ZNF138: variants seen among roughly 807,000 people sequenced by gnomAD.
The protein encoded by ZNF138 is zinc finger protein 138 (clone pHZ-32).
ZNF138 carries 33 observed loss-of-function variants against 33.0 expected under a neutral mutation model. The observed-to-expected ratio is 1.00, with a 90% CI of 0.76 to 1.34. The LOEUF is 1.34. Ranked by LOEUF, ZNF138 falls within the 40% of genes most tolerant of loss-of-function variation. The pLI, the probability that ZNF138 is intolerant of heterozygous loss-of-function variation, is 0.00. For synonymous variants in ZNF138, 139 were observed against 120.4 expected (o/e 1.15, Z -1.01); for missense variants, 360 against 370.8 (o/e 0.97, Z 0.24).
chr7:64,813,243 C>A lies in ZNF138; in HGVS notation c.4-1675C>A, dbSNP rs114581381. Among the ~76,000 whole-genome samples, 1,289 of 152,130 alleles carry A rather than the reference C, an allele frequency of 8.5e-3. 22 individuals carry two copies. The highest frequency in any genetic ancestry group is 0.028 in the African/African-American group (1,173 of 41,480). ...GTAATCTTGAAGTTTCATCTGTGTT[C>A]TCCATTGGTTCTATGCAGAACAGGA... On this transcript the variant is annotated intron_variant, in intron 1 of 3. Transcript: ENST00000307355.
At chr7:64,827,195 G>C (rs1200026273) in intron 3 of ZNF138, among the ~76,000 whole-genome samples, 1 of 151,128 alleles carries the variant, frequency 6.6e-6, no homozygotes, top group African/African-American at 2.4e-5. Context: ...GACTGCCTTG[G>C]CCTCCTAAAG....
At chr7:64,800,545 A>G (rs747418951) in intron 1 of ZNF138, among the ~76,000 whole-genome samples, 5 of 152,206 alleles carry the variant, frequency 3.3e-5, no homozygotes, top group Non-Finnish European at 7.3e-5. Flanking sequence ...CTACTTGATC[A>G]TAACTGATTA....
chr7:64,797,726 G>A (rs1028446576), intron 1 of ZNF138, among the ~76,000 whole-genome samples: 1 of 152,066 alleles, frequency 6.6e-6, no homozygotes, highest in African/African-American at 2.4e-5. Flanking sequence ...TTGTTTTGAG[G>A]CAGTTTCTAG....
chr7:64,811,295 CAT>C (rs1226260154), intron 1 of ZNF138, among the ~76,000 whole-genome samples: 2 of 152,168 alleles, frequency 1.3e-5, no homozygotes, highest in Non-Finnish European at 2.9e-5. Context: ...CCCTTCAGCA[CAT>C]AGTACCTGCT....
intron 1 of ZNF138, among the ~76,000 whole-genome samples, chr7:64,812,370 G>A (rs904560345): frequency 2.0e-5 from 3 of 152,056 alleles, no homozygotes; most frequent in African/African-American, 7.2e-5. Flanking sequence ...ATGTTGGCCA[G>A]GATGGTCTTG....
chr7:64,814,699 G>C (rs921996161), intron 1 of ZNF138, among the ~76,000 whole-genome samples: 9 of 152,010 alleles, frequency 5.9e-5, no homozygotes, highest in Non-Finnish European at 1.0e-4. Context: ...GGAGGCAGAG[G>C]TTGCAGTGAG....
chr7:64,847,851 C>T, the ZNF138 span, among the ~76,000 whole-genome samples: 1 of 151,998 alleles, frequency 6.6e-6, no homozygotes, highest in African/African-American at 2.4e-5. Context: ...CATTTACTTT[C>T]AATGTTAGTA....
chr7:64,813,993 T>G lies in ZNF138; in HGVS notation c.4-925T>G, dbSNP rs1239689236. ...TCACATTTAATCTGGCAGCTGCCTT[T>G]CTATCTTAGGTTTCCTTTGCATATA... On this transcript the variant is annotated intron_variant, in intron 1 of 3. Transcript: ENST00000307355. The G allele has an allele frequency of 3.6e-6, 4 of 1,120,036 alleles. No individual in the cohort carries two copies. The African/African-American group carries it at 6.9e-5, about 19-fold the overall frequency. The allele number at this position is 1,120,036 out of a possible 1,614,324, so 69.4% of individuals were successfully genotyped here. A position where few individuals can be genotyped will look rare whatever the true frequency, so the allele number is the denominator to read the frequency against.
At chr7:64,806,885 C>T (rs1216248271) in intron 1 of ZNF138, among the ~76,000 whole-genome samples, 1 of 152,180 alleles carries the variant, frequency 6.6e-6, no homozygotes, top group African/African-American at 2.4e-5. Flanking sequence ...AAAATCTGGC[C>T]ATAAACTGGC....
intron 3 of ZNF138, chr7:64,830,955 T>A (rs4483043): frequency 0.99 from 1,542,864 of 1,551,456 alleles, 767,466 homozygotes; most frequent in East Asian, 1. Context: ...GCATTTACCT[T>A]TGATCTCAGT....
chr7:64,800,171 G>T (rs1247078303), intron 1 of ZNF138, among the ~76,000 whole-genome samples: 1 of 152,096 alleles, frequency 6.6e-6, no homozygotes, highest in Admixed American at 6.5e-5. Context: ...CTCTTCTATT[G>T]AATACCTTTT....
chr7:64,814,961 A>G lies in ZNF138; in HGVS notation c.47A>G (p.Glu16Gly), dbSNP rs780405323. The change falls in exon 2 of 4, where the codon GAG becomes GGG. Residue 16 changes from glutamate to glycine, a missense_variant. Glu to Gly is a moderately conservative substitution (Grantham distance 98). Coordinates refer to ENST00000307355, the MANE Select transcript of ZNF138 (RefSeq NM_001271639.2). ...FMDVAIEFSLEEWQCLDTAQR... is the reference protein window; with the variant it reads ...FMDVAIEFSLGEWQCLDTAQR... ...GATGTGGCCATAGAGTTCTCTTTGG[A>G]GGAGTGGCAGTGCCTGGACACTGCA... The G allele has an allele frequency of 5.6e-6, 9 of 1,613,298 alleles. No homozygotes were observed. The highest frequency in any genetic ancestry group is 6.8e-6 in the Non-Finnish European group (8 of 1,179,608).
At chr7:64,806,720 G>A (rs1374782787) in intron 1 of ZNF138, among the ~76,000 whole-genome samples, 3 of 152,192 alleles carry the variant, frequency 2.0e-5, no homozygotes, top group African/African-American at 7.2e-5. Context: ...ATTTCTACAA[G>A]TAGCTAAAAA....
At chr7:64,800,740 A>G (rs1787073942) in intron 1 of ZNF138, among the ~76,000 whole-genome samples, 1 of 152,136 alleles carries the variant, frequency 6.6e-6, no homozygotes. Flanking sequence ...TTTTTGGAAT[A>G]GTTTTAGAAA....
At chr7:64,816,239 AAT>A (rs1788623557) in intron 3 of ZNF138, among the ~76,000 whole-genome samples, 1 of 152,126 alleles carries the variant, frequency 6.6e-6, no homozygotes, top group Non-Finnish European at 1.5e-5. Flanking sequence ...CTGTGACAAA[AAT>A]GTCACTGGAA....
chr7:64,828,586 G>T (rs190381075), intron 3 of ZNF138, among the ~76,000 whole-genome samples: 1 of 152,058 alleles, frequency 6.6e-6, no homozygotes, highest in East Asian at 1.9e-4. Flanking sequence ...TTACCTATTG[G>T]CTTTCACTAA....
chr7:64,814,020 C>T, intron 1 of ZNF138: 1 of 1,182,478 alleles, frequency 8.5e-7, no homozygotes, highest in Non-Finnish European at 1.1e-6. Context: ...TTGCATATAT[C>T]TGTCTTTGGA....
At chr7:64,851,717 TAAAG>T in the ZNF138 span, among the ~76,000 whole-genome samples, 1 of 151,556 alleles carries the variant, frequency 6.6e-6, no homozygotes, top group Non-Finnish European at 1.5e-5. Flanking sequence ...TTGCTATCGA[TAAAG>T]AAAACAGTTA....
At position 64,830,861 on chromosome 7, in the gene ZNF138, T is replaced by A; in HGVS notation, c.209-590T>A. ...AGGATGTGTCAGGTCTGAAATTTTT[T>A]AGGGTTTTTTTAGTTCATTCTTGTT... On this transcript the variant is annotated intron_variant, in intron 3 of 3. Transcript: ENST00000307355. The A allele has an allele frequency of 9.2e-6, 13 of 1,420,714 alleles. No individual in the cohort carries two copies. In the South Asian group the frequency reaches 2.1e-4, roughly 23 times the overall value. 88.0% of individuals were successfully genotyped at this position (1,420,714 alleles called of 1,614,324 possible). A position where few individuals can be genotyped will look rare whatever the true frequency, so the allele number is the denominator to read the frequency against.
Sources: allele counts gnomAD v4.1 joint callset (sites outside exome capture counted in the v4.1 genomes callset), GRCh38; gene constraint gnomAD v4.1.1; transcripts MANE v1.5; gene names NCBI Gene and HGNC (gene_info 2026-07-23, HGNC 2026-07-21).